HAO1: variants seen among roughly 807,000 people sequenced by gnomAD.
The protein encoded by HAO1 is 2-Hydroxyacid oxidase 1.
In HAO1, 34 loss-of-function variants were observed where a neutral mutation model predicts 39.7. The ratio of observed to expected loss-of-function variants is 0.86; its 90% CI spans 0.65 to 1.14. HAO1 has a LOEUF of 1.14. Among genes scored for constraint, HAO1 ranks in the 50% most tolerant of loss-of-function variants. The pLI is 0.00. For synonymous variants in HAO1, 172 were observed against 173.2 expected, an observed-to-expected ratio of 0.99 and a Z score of 0.05; for missense variants, 479 against 464.5, an observed-to-expected ratio of 1.03 and a Z score of -0.29.
intron 2 of HAO1, among the ~76,000 whole-genome samples, 195 bp downstream of exon 2, chr20:7,934,289 A>T (rs1443788801): frequency 1.3e-5 from 2 of 152,228 alleles, no homozygotes; most frequent in Non-Finnish European, 2.9e-5. Flanking sequence ...CAGAGAGAGG[A>T]TATCTTGCCC....
At chr20:7,897,059 C>A (rs958343141) in intron 4 of HAO1, among the ~76,000 whole-genome samples, 5 of 152,152 alleles carry the variant, frequency 3.3e-5, no homozygotes, top group African/African-American at 1.2e-4. Context: ...ACCTAAATAG[C>A]TTCTCTTGTG....
chr20:7,886,911 G>C (rs1018364115), intron 5 of HAO1, among the ~76,000 whole-genome samples: 1 of 152,132 alleles, frequency 6.6e-6, no homozygotes, highest in African/African-American at 2.4e-5. Context: ...CCATCCACCA[G>C]GTATTGTTTC....
chr20:7,938,155 T>A (rs890698496), intron 1 of HAO1, among the ~76,000 whole-genome samples: 2 of 152,176 alleles, frequency 1.3e-5, no homozygotes, highest in Non-Finnish European at 2.9e-5. Flanking sequence ...AATGTGAAAT[T>A]TCAGGTTGAT....
At chr20:7,894,722 A>C (rs1343244450) in intron 5 of HAO1, among the ~76,000 whole-genome samples, 1 of 152,118 alleles carries the variant, frequency 6.6e-6, no homozygotes, top group Non-Finnish European at 1.5e-5. Context: ...TTCTTGTCTC[A>C]ATTGTACTGA....
intron 2 of HAO1, among the ~76,000 whole-genome samples, chr20:7,933,143 A>C (rs192678884): frequency 6.6e-6 from 1 of 152,108 alleles, no homozygotes; most frequent in South Asian, 2.1e-4. Context: ...TTTCCTATTT[A>C]TATCTTTTGT....
rs1056827989 is a variant in HAO1 at position 7,883,676 on chromosome 20, T to A, written c.1043-13A>T. ...ACATTCTGGCACCCTGAAAAAATAA[T>A]GCATACATTTAATATGAACTGAATG... is the stretch of plus-strand genomic sequence containing the variant. On this transcript the variant is annotated splice_polypyrimidine_tract_variant and intron_variant, in intron 7 of 7. Coordinates refer to ENST00000378789, the MANE Select transcript of HAO1 (RefSeq NM_017545.3). The A allele has an allele frequency of 6.4e-7, 1 of 1,566,906 alleles. No homozygotes were observed. Among genetic ancestry groups the A allele is most frequent in the Non-Finnish European group, 8.8e-7 (1 of 1,137,186 alleles).
intron 4 of HAO1, among the ~76,000 whole-genome samples, chr20:7,902,410 C>T (rs1273941780): frequency 1.3e-5 from 2 of 152,226 alleles, no homozygotes; most frequent in Non-Finnish European, 2.9e-5. Context: ...AAGACTACAA[C>T]TCGCTGAAGA....
At chr20:7,885,483 T>G in intron 7 of HAO1, 38 bp downstream of exon 7, 1 of 1,373,602 alleles carries the variant, frequency 7.3e-7, no homozygotes, top group South Asian at 1.2e-5. Context: ...TTAAAGATCA[T>G]AAAAGAAAAG....
chr20:7,914,299 C>T lies in HAO1; in HGVS notation c.410G>A (p.Arg137Gln), dbSNP rs151148868. The change falls in exon 3 of 8, where the codon CGA becomes CAA. Residue 137 changes from arginine (R) to glutamine (Q), a missense_variant. By Grantham distance (43) the Arg-to-Gln change is conservative (BLOSUM62 1). Transcript: ENST00000378789. ...RWLQLYIYKDREVTKKLVRQA... is the reference protein window; with the variant it reads ...RWLQLYIYKDQEVTKKLVRQA... ...CCGCACTAGCTTCTTGGTGACTTCTCGGTCCTTGTAGATATACAGTTGCAG... is the reference window on the plus strand; with the variant it reads ...CCGCACTAGCTTCTTGGTGACTTCTTGGTCCTTGTAGATATACAGTTGCAG... 165 of 1,613,910 alleles carry T rather than the reference C, an allele frequency of 1.0e-4. No individual in the cohort carries two copies. The highest frequency in any genetic ancestry group is 1.3e-4 in the Non-Finnish European group (154 of 1,179,982).
intron 1 of HAO1, among the ~76,000 whole-genome samples, chr20:7,937,093 G>A (rs553296880): frequency 3.9e-5 from 6 of 152,074 alleles, no homozygotes; most frequent in Non-Finnish European, 8.8e-5. Context: ...TAAAGGAAGC[G>A]GGGTAACGGG....
intron 4 of HAO1, among the ~76,000 whole-genome samples, chr20:7,905,490 A>G (rs558450660): frequency 6.6e-6 from 1 of 152,230 alleles, no homozygotes; most frequent in African/African-American, 2.4e-5. Flanking sequence ...ACCAAAGGTT[A>G]TATACCACAA....
intron 2 of HAO1, among the ~76,000 whole-genome samples, chr20:7,929,928 G>A (rs555835731): frequency 1.2e-4 from 19 of 152,308 alleles, no homozygotes; most frequent in African/African-American, 4.3e-4. Flanking sequence ...TTATTCCACA[G>A]TTGTGAGAGG....
At chr20:7,927,043 C>A (rs1459396861) in intron 2 of HAO1, among the ~76,000 whole-genome samples, 1 of 151,920 alleles carries the variant, frequency 6.6e-6, no homozygotes, top group African/African-American at 2.4e-5. Flanking sequence ...TTTTCTCTTT[C>A]TTTTTGATTT....
chr20:7,885,360 A>G (rs1728541802), intron 7 of HAO1, 161 bp downstream of exon 7: 1 of 622,984 alleles, frequency 1.6e-6, no homozygotes, highest in African/African-American at 1.8e-5. Context: ...TAGAGACTGC[A>G]CATGCAGAGT....
At chr20:7,898,744 T>C (rs2122760093) in intron 4 of HAO1, among the ~76,000 whole-genome samples, 1 of 152,264 alleles carries the variant, frequency 6.6e-6, no homozygotes, top group South Asian at 2.1e-4. Context: ...TTAATTAACT[T>C]ATATAGCTGT....
intron 4 of HAO1, among the ~76,000 whole-genome samples, chr20:7,899,253 T>G (rs1023499613): frequency 6.6e-6 from 1 of 152,040 alleles, no homozygotes; most frequent in South Asian, 2.1e-4. Flanking sequence ...AAAATGAGGA[T>G]AGAGATCCAC....
chr20:7,935,512 AATT>A (rs2050406196), intron 1 of HAO1, among the ~76,000 whole-genome samples: 1 of 152,318 alleles, frequency 6.6e-6, no homozygotes, highest in Admixed American at 6.5e-5. Context: ...GTTTCTTCAA[AATT>A]ATTTAGTTAT....
intron 2 of HAO1, among the ~76,000 whole-genome samples, chr20:7,922,364 G>T (rs531421207): frequency 6.6e-6 from 1 of 152,242 alleles, no homozygotes; most frequent in Admixed American, 6.5e-5. Flanking sequence ...TTGATGTCAG[G>T]AATGTAAGTT....
chr20:7,883,274 T>C lies in HAO1; in HGVS notation c.*319A>G, dbSNP rs998139981. On this transcript the variant is annotated 3_prime_UTR_variant, in exon 8 of 8. Transcript: ENST00000378789. ...ATTATCTTTTCACCTTAGTGTTTGC[T>C]ACCTCCAATTTTACTAAAGGATACA... is the stretch of plus-strand genomic sequence containing the variant. The C allele has an allele frequency of 3.0e-6, 1 of 334,320 alleles. No homozygotes were observed. 20.7% of individuals were successfully genotyped at this position (334,320 alleles called of 1,614,324 possible). A position where few individuals can be genotyped will look rare whatever the true frequency, so the allele number is the denominator to read the frequency against.
Sources: allele counts gnomAD v4.1 joint callset (sites outside exome capture counted in the v4.1 genomes callset), GRCh38; gene constraint gnomAD v4.1.1; transcripts MANE v1.5; gene names NCBI Gene and HGNC (gene_info 2026-07-23, HGNC 2026-07-21).